Variants in PPP2CB observed in about 807,000 individuals in gnomAD.
PPP2CB encodes the protein serine/threonine-protein phosphatase 2A catalytic subunit beta isoform.
PPP2CB carries 18 observed loss-of-function variants against 39.1 expected under a neutral mutation model. The ratio of observed to expected loss-of-function variants is 0.46; its 90% CI spans 0.32 to 0.68. The LOEUF is 0.68. Ranked by LOEUF, PPP2CB falls within the 30% of genes least tolerant of loss-of-function variation. The probability of loss-of-function intolerance (pLI) is 0.04; values close to 1 mark genes in which losing one functional copy is unlikely to be tolerated. For synonymous variants in PPP2CB, 129 were observed against 133.8 expected, an observed-to-expected ratio of 0.96 and a Z score of 0.25; for missense variants, 226 against 396.9, an observed-to-expected ratio of 0.57 and a Z score of 3.66.
rs1198934591 is a variant in PPP2CB at position 30,785,787 on chromosome 8, CAGTTA to C, written c.*443_*447del. The C allele has an allele frequency of 8.5e-5, 25 of 294,148 alleles. No homozygotes were observed. The highest frequency in any genetic ancestry group is 1.2e-3 in the Middle Eastern group (1 of 804). 18.2% of individuals were successfully genotyped at this position (294,148 alleles called of 1,614,324 possible). On this transcript the variant is annotated 3_prime_UTR_variant, in exon 7 of 7. Coordinates refer to ENST00000221138, the MANE Select transcript of PPP2CB (RefSeq NM_001009552.2). ...ATACTCCCAAGAAGAACCTTTTCTT[CAGTTA>C]AGTTAATTATACATTTCAATAAAAT...
intron 6 of PPP2CB, among the ~76,000 whole-genome samples, chr8:30,790,619 G>A (rs1396921839): frequency 1.3e-5 from 2 of 152,186 alleles, no homozygotes; most frequent in Non-Finnish European, 2.9e-5. Context: ...AACAGCATTG[G>A]GAAACCCAGC....
chr8:30,806,862 A>G (rs562738090), intron 1 of PPP2CB, among the ~76,000 whole-genome samples: 14 of 152,340 alleles, frequency 9.2e-5, no homozygotes, highest in African/African-American at 2.4e-4. Context: ...ACTTAGGTAA[A>G]TATCTTATGG....
intron 6 of PPP2CB, among the ~76,000 whole-genome samples, chr8:30,788,271 T>C (rs1436813866): frequency 6.6e-6 from 1 of 152,130 alleles, no homozygotes; most frequent in African/African-American, 2.4e-5. Flanking sequence ...TTTTTTGTTT[T>C]TTTCTTTCTG....
At chr8:30,791,099 A>G in intron 6 of PPP2CB, 98 bp downstream of exon 6, 1 of 743,510 alleles carries the variant, frequency 1.3e-6, no homozygotes, top group Non-Finnish European at 2.2e-6. Context: ...GGGCTTTGCT[A>G]TACTCCTCAT....
intron 3 of PPP2CB, among the ~76,000 whole-genome samples, chr8:30,796,625 G>A (rs897795824): frequency 5.9e-5 from 9 of 152,084 alleles, no homozygotes; most frequent in Non-Finnish European, 1.3e-4. Flanking sequence ...CCTACCTCAG[G>A]TGATCCACCC....
chr8:30,807,678 A>C (rs1806746450), intron 1 of PPP2CB, among the ~76,000 whole-genome samples: 1 of 152,178 alleles, frequency 6.6e-6, no homozygotes, highest in Admixed American at 6.5e-5. Context: ...TAAAATTTTT[A>C]CTCTTTCTGA....
At chr8:30,809,988 A>G (rs1417113942) in intron 1 of PPP2CB, 1 of 150,894 alleles carries the variant, frequency 6.6e-6, no homozygotes, top group Non-Finnish European at 1.5e-5. Flanking sequence ...TCTTAAATAT[A>G]CCTGTGAAGT....
chr8:30,807,385 A>G (rs989700128), intron 1 of PPP2CB, among the ~76,000 whole-genome samples: 5 of 152,248 alleles, frequency 3.3e-5, no homozygotes, highest in African/African-American at 1.2e-4. Flanking sequence ...GGTTTTGGGT[A>G]TTCAGGAACA....
intron 3 of PPP2CB, among the ~76,000 whole-genome samples, chr8:30,796,453 T>C (rs1806528461): frequency 1.3e-5 from 2 of 152,230 alleles, no homozygotes; most frequent in African/African-American, 2.4e-5. Context: ...CGATCTTGGC[T>C]CACTGCAACC....
At position 30,802,690 on chromosome 8, in the gene PPP2CB, C is replaced by T. The variant is rs144996020; in HGVS notation, c.103-2935G>A. 1.2e-3 allele frequency among the ~76,000 whole-genome samples: 186 copies of T among 152,082 alleles called. 1 individual carries two copies. Among genetic ancestry groups the T allele is most frequent in the African/African-American group, 3.9e-3 (161 of 41,496 alleles). ...ACAAATTCTGTATTACTTTTTCAAACGGAAAAAACCTGGCTTCTTAAACTT... is the reference window on the plus strand; with the variant it reads ...ACAAATTCTGTATTACTTTTTCAAATGGAAAAAACCTGGCTTCTTAAACTT... On this transcript the variant is annotated intron_variant, in intron 1 of 6. Transcript: ENST00000221138.
At chr8:30,797,323 A>G (rs544033081) in intron 3 of PPP2CB, among the ~76,000 whole-genome samples, 21 of 152,348 alleles carry the variant, frequency 1.4e-4, no homozygotes, top group African/African-American at 4.1e-4. Flanking sequence ...ATGTTTATCG[A>G]TATCTTAAAA....
At chr8:30,789,091 TG>T (rs1471614520) in intron 6 of PPP2CB, among the ~76,000 whole-genome samples, 15 of 151,650 alleles carry the variant, frequency 9.9e-5, no homozygotes, top group Non-Finnish European at 1.2e-4. Context: ...TTGCCCAGGC[TG>T]GACTGCAATG....
At chr8:30,795,361 C>T (rs977994894) in intron 3 of PPP2CB, among the ~76,000 whole-genome samples, 2 of 152,134 alleles carry the variant, frequency 1.3e-5, no homozygotes, top group Non-Finnish European at 2.9e-5. Flanking sequence ...GTGATCCGCC[C>T]GCCTTGGCCT....
chr8:30,793,782 T>C, intron 5 of PPP2CB, 135 bp downstream of exon 5: 2 of 1,068,028 alleles, frequency 1.9e-6, no homozygotes, highest in Non-Finnish European at 2.6e-6. Flanking sequence ...CCCTACTTGC[T>C]AAAACCAGCA....
chr8:30,794,779 T>C (rs1806492009), intron 3 of PPP2CB, among the ~76,000 whole-genome samples: 1 of 152,194 alleles, frequency 6.6e-6, no homozygotes, highest in Admixed American at 6.5e-5. Flanking sequence ...TCATTACAGC[T>C]TCTGTTGGTT....
chr8:30,803,877 C>T (rs892116290), intron 1 of PPP2CB, among the ~76,000 whole-genome samples: 4 of 150,760 alleles, frequency 2.7e-5, no homozygotes, highest in Non-Finnish European at 5.9e-5. Flanking sequence ...AGTGCAGTGG[C>T]GCGATCTCCA....
intron 5 of PPP2CB, 98 bp downstream of exon 5, chr8:30,793,819 T>C (rs10087700): frequency 0.1 from 136,959 of 1,335,920 alleles, 7,315 homozygotes; most frequent in Middle Eastern, 0.14. Flanking sequence ...ACCTAGGTAA[T>C]AAATGGTGAG....
At chr8:30,803,548 A>G (rs1806661387) in intron 1 of PPP2CB, among the ~76,000 whole-genome samples, 1 of 152,040 alleles carries the variant, frequency 6.6e-6, no homozygotes, top group Non-Finnish European at 1.5e-5. Flanking sequence ...GCCTTTAAAA[A>G]AAAAAAAAGC....
At chr8:30,807,272 T>A (rs1806740897) in intron 1 of PPP2CB, among the ~76,000 whole-genome samples, 1 of 152,232 alleles carries the variant, frequency 6.6e-6, no homozygotes, top group African/African-American at 2.4e-5. Flanking sequence ...AGACCACTAT[T>A]TTTATTTTTT....
Sources: allele counts gnomAD v4.1 joint callset (sites outside exome capture counted in the v4.1 genomes callset), GRCh38; gene constraint gnomAD v4.1.1; transcripts MANE v1.5; gene names NCBI Gene and HGNC (gene_info 2026-07-23, HGNC 2026-07-21).